The following RORA variants were observed in gnomAD, a reference collection of about 807,000 sequenced individuals.
RORA encodes nuclear receptor ROR-alpha.
In RORA, 7 loss-of-function variants were observed where a neutral mutation model predicts 69.5. The ratio of observed to expected loss-of-function variants is 0.10; its 90% CI spans 0.06 to 0.19. The LOEUF (loss-of-function observed/expected upper bound fraction) is 0.19. Among genes scored for constraint, RORA ranks in the 10% least tolerant of loss-of-function variants. The probability of loss-of-function intolerance (pLI) is 1.00; values close to 1 mark genes in which losing one functional copy is unlikely to be tolerated. For missense variants in RORA, 457 were observed against 663.0 expected, an observed-to-expected ratio of 0.69 and a Z score of 3.41; for synonymous variants, 261 against 240.8, an observed-to-expected ratio of 1.08 and a Z score of -0.78.
intron 1 of RORA, among the ~76,000 whole-genome samples, chr15:60,744,582 G>C (rs543588262): frequency 1.4e-4 from 22 of 152,130 alleles, no homozygotes; most frequent in Non-Finnish European, 3.2e-4. Context: ...CAGCAAACTG[G>C]GGGGCAAGAA....
Position 60,994,691 on chromosome 15 carries a change from C to A in RORA, c.166+234362G>T, listed in dbSNP as rs1894474635. Among the ~76,000 whole-genome samples the A allele has an allele frequency of 2.0e-5, 3 of 152,170 alleles. No homozygotes were observed. The South Asian group carries it at 6.2e-4, about 32-fold the overall frequency. ...AAACTGTGACCAGAAATCAAGTGGT[C>A]CAAGAGCGGGGAACAGGATGGTGAG... On this transcript the variant is annotated intron_variant, in intron 1 of 10. Transcript: ENST00000335670.
chr15:60,579,975 A>G (rs1056267435), intron 2 of RORA, among the ~76,000 whole-genome samples: 1 of 152,210 alleles, frequency 6.6e-6, no homozygotes, highest in African/African-American at 2.4e-5. Context: ...GACTACACAG[A>G]GCACTACTAT....
intron 1 of RORA, among the ~76,000 whole-genome samples, chr15:60,704,725 C>A (rs1420243050): frequency 6.6e-6 from 1 of 152,148 alleles, no homozygotes; most frequent in Non-Finnish European, 1.5e-5. Flanking sequence ...GGCACTGATT[C>A]ACAGAATACT....
intron 1 of RORA, among the ~76,000 whole-genome samples, chr15:61,092,341 C>G (rs1306634659): frequency 2.0e-5 from 3 of 152,184 alleles, no homozygotes; most frequent in Non-Finnish European, 4.4e-5. Context: ...TTTTAGGTCT[C>G]TCGGTAACCA....
chr15:60,996,835 A>G (rs547066817), intron 1 of RORA, among the ~76,000 whole-genome samples: 22 of 152,160 alleles, frequency 1.4e-4, no homozygotes, highest in Admixed American at 6.5e-4. Flanking sequence ...GTGTGAACCC[A>G]GGAGGCGGAG....
At chr15:60,612,661 G>GTTTTTTTTTTTTTTTTT (rs71122864) in intron 2 of RORA, among the ~76,000 whole-genome samples, 12 of 107,148 alleles carry the variant, frequency 1.1e-4, no homozygotes, top group Admixed American at 3.2e-4. Context: ...CTCTCTCTCT[G>GTTTTTTTTTTTTTTTTT]TTTTTTTTTT....
At chr15:60,883,148 AAAAGAAAGAGAGAGAG>A (rs2073708129) in intron 1 of RORA, among the ~76,000 whole-genome samples, 2 of 38,986 alleles carry the variant, frequency 5.1e-5, no homozygotes, top group Non-Finnish European at 1.2e-4. Flanking sequence ...AAAAAAAAAA[AAAAGAAAGAGAGAGAG>A]AGAGAGAGAG....
At chr15:60,505,026 T>G (rs1318089489) in intron 6 of RORA, among the ~76,000 whole-genome samples, 1 of 152,228 alleles carries the variant, frequency 6.6e-6, no homozygotes, top group Admixed American at 6.5e-5. Flanking sequence ...GGGTACTATT[T>G]GTCAGCCTCA....
chr15:60,904,881 T>C (rs556691919), intron 1 of RORA, among the ~76,000 whole-genome samples: 49 of 152,228 alleles, frequency 3.2e-4, no homozygotes, highest in Middle Eastern at 6.8e-3. Context: ...AAGGCCAATG[T>C]TGAAGACATT....
chr15:60,939,370 C>A (rs192324460), intron 1 of RORA, among the ~76,000 whole-genome samples: 1 of 152,182 alleles, frequency 6.6e-6, no homozygotes, highest in South Asian at 2.1e-4. Context: ...GAGGGGCATG[C>A]AGTCATCAGA....
intron 1 of RORA, among the ~76,000 whole-genome samples, chr15:60,787,963 T>C (rs1213692322): frequency 6.6e-6 from 1 of 152,262 alleles, no homozygotes; most frequent in Non-Finnish European, 1.5e-5. Flanking sequence ...AACAGCCCAG[T>C]TCCTACCCTC....
At chr15:61,166,047 G>A (rs969458911) in intron 1 of RORA, among the ~76,000 whole-genome samples, 11 of 152,174 alleles carry the variant, frequency 7.2e-5, no homozygotes, top group African/African-American at 2.4e-4. Flanking sequence ...GCTGCCATCA[G>A]GTGCAAGATT....
intron 1 of RORA, among the ~76,000 whole-genome samples, chr15:61,106,757 T>C (rs1312586507): frequency 6.6e-6 from 1 of 152,214 alleles, no homozygotes; most frequent in Admixed American, 6.5e-5. Flanking sequence ...CATCTTTCCA[T>C]CTATTTATAA....
At chr15:60,967,973 A>C (rs1383792065) in intron 1 of RORA, among the ~76,000 whole-genome samples, 1 of 152,220 alleles carries the variant, frequency 6.6e-6, no homozygotes, top group East Asian at 1.9e-4. Flanking sequence ...ATATCAGTGC[A>C]TGCCTCTTAA....
intron 1 of RORA, among the ~76,000 whole-genome samples, chr15:61,045,607 G>C (rs1896980168): frequency 6.6e-6 from 1 of 152,104 alleles, no homozygotes; most frequent in African/African-American, 2.4e-5. Context: ...ATCATCCAAG[G>C]GGTGTACCAG....
intron 1 of RORA, among the ~76,000 whole-genome samples, chr15:61,037,128 C>CTG (rs1896497292): frequency 6.6e-6 from 1 of 152,178 alleles, no homozygotes; most frequent in African/African-American, 2.4e-5. Flanking sequence ...AATAAACACT[C>CTG]TGTGCTTCAG....
chr15:60,660,048 C>T (rs571610559), intron 2 of RORA, among the ~76,000 whole-genome samples: 47 of 152,314 alleles, frequency 3.1e-4, no homozygotes, highest in African/African-American at 1.1e-3. Context: ...AATCAATATT[C>T]AAATTTCATC....
At chr15:60,688,881 A>G (rs924900765) in intron 1 of RORA, among the ~76,000 whole-genome samples, 4 of 152,212 alleles carry the variant, frequency 2.6e-5, no homozygotes, top group African/African-American at 9.6e-5. Flanking sequence ...GCATATGACT[A>G]CAGTGTCAAC....
intron 2 of RORA, among the ~76,000 whole-genome samples, chr15:60,632,189 T>C (rs1339248610): frequency 1.3e-5 from 2 of 151,558 alleles, no homozygotes; most frequent in African/African-American, 4.9e-5. Flanking sequence ...CACTGCAAGC[T>C]CCACCTCCCG....
Sources: gnomAD v4.1 joint callset for allele counts (sites outside exome capture counted in the v4.1 genomes callset) on GRCh38, gnomAD v4.1.1 for gene constraint, MANE v1.5 for transcripts, NCBI Gene and HGNC (gene_info 2026-07-23, HGNC 2026-07-21) for gene names.